Variants in CHAMP1 observed in about 807,000 individuals in gnomAD.
The protein encoded by CHAMP1 is chromosome alignment maintaining phosphoprotein 1.
A neutral mutation model predicts 54.5 loss-of-function variants in CHAMP1; 4 were observed. The ratio of observed to expected loss-of-function variants is 0.07; its 90% CI spans 0.04 to 0.17. The LOEUF (loss-of-function observed/expected upper bound fraction) is 0.17. Among genes scored for constraint, CHAMP1 ranks in the 10% least tolerant of loss-of-function variants. CHAMP1 has a pLI of 1.00. For missense variants in CHAMP1, 994 were observed against 968.6 expected (o/e 1.03, Z -0.35); for synonymous variants, 368 against 342.2 (o/e 1.08, Z -0.83).
intron 1 of CHAMP1, among the ~76,000 whole-genome samples, chr13:114,318,038 C>T (rs183137956): frequency 1.3e-5 from 2 of 152,288 alleles, no homozygotes; most frequent in East Asian, 1.9e-4. Flanking sequence ...GCTGGAAGGA[C>T]GCCCAGCTCT....
At chr13:114,320,966 A>AG (rs545219214) in intron 1 of CHAMP1, 144 bp from the exon 2 acceptor site, 2 of 152,332 alleles carry the variant, frequency 1.3e-5, no homozygotes, top group East Asian at 3.9e-4. Flanking sequence ...AAAAAAAAAA[A>AG]AAGTAAGCAG....
At position 114,324,416 on chromosome 13, in the gene CHAMP1, C is replaced by T. The variant is rs1365514860; in HGVS notation, c.574C>T (p.Pro192Ser). Reference sequence around the variant, plus strand: ...TTCTCCTGAACCTCCAAAATCAGTCCCTGTTTGTGAGTCTCAGAAACTTGC... The same window carrying T: ...TTCTCCTGAACCTCCAAAATCAGTCTCTGTTTGTGAGTCTCAGAAACTTGC... Reference protein sequence around the residue: ...VSSPEPPKSVPVCESQKLAPV... With the variant: ...VSSPEPPKSVSVCESQKLAPV... The change falls in exon 3 of 3, where the codon CCT (proline) becomes TCT (serine). Residue 192 changes from proline to serine, a missense_variant. Pro to Ser is a moderately conservative substitution (Grantham distance 74). This residue lies in a region of CHAMP1 where 851 missense variants were observed against 701.3 expected (regional missense o/e 1.21). Transcript: ENST00000361283. 1.2e-6 allele frequency: 2 copies of T among 1,614,026 alleles called. No homozygotes were observed. The highest frequency in any genetic ancestry group is 2.7e-5 in the African/African-American group (2 of 74,910).
chr13:114,322,339 T>C (rs1555379201), intron 2 of CHAMP1: 1 of 152,150 alleles, frequency 6.6e-6, no homozygotes, highest in Non-Finnish European at 1.5e-5. Context: ...GCCCAGCCTA[T>C]ACATTTTTTT....
Position 114,325,065 on chromosome 13 carries a change from A to T in CHAMP1, c.1223A>T (p.His408Leu), listed in dbSNP as rs782128382. Residue 408 changes from histidine to leucine, a missense_variant, in exon 3 of 3, where the codon CAT (histidine) becomes CTT (leucine). His to Leu is a moderately conservative substitution (Grantham distance 99). Transcript: ENST00000361283. Reference sequence around the variant, plus strand: ...ACAGCTCCCACGTTGTCTCCTGAACATTGGAAGGCAGTTCCCCCAGTGTCT... The same window carrying T: ...ACAGCTCCCACGTTGTCTCCTGAACTTTGGAAGGCAGTTCCCCCAGTGTCT... ...RKTAPTLSPEHWKAVPPVSPE... is the reference protein window; with the variant it reads ...RKTAPTLSPELWKAVPPVSPE... 2.5e-6 allele frequency: 4 copies of T among 1,613,892 alleles called. No individual in the cohort carries two copies. Among genetic ancestry groups the T allele is most frequent in the Admixed American group, 3.3e-5 (2 of 59,986 alleles).
Position 114,326,260 on chromosome 13 carries a change from A to G in CHAMP1, c.2418A>G (p.Pro806=). The change falls in exon 3 of 3, where the codon CCA becomes CCG. Residue 806 remains proline (P), a synonymous_variant. Transcript: ENST00000361283. The part of the protein sequence containing the change: ...NKKLMEALEP[P]LEEQQI ...AGCTAATGGAAGCTCTTGAACCGCCACTGGAGGAGCAGCAAATTTGATAAC... is the reference window on the plus strand; with the variant it reads ...AGCTAATGGAAGCTCTTGAACCGCCGCTGGAGGAGCAGCAAATTTGATAAC... 6.4e-7 allele frequency: 1 copy of G among 1,573,318 alleles called. No individual in the cohort carries two copies. Among genetic ancestry groups the G allele is most frequent in the African/African-American group, 1.4e-5 (1 of 72,816 alleles).
Position 114,325,836 on chromosome 13 carries a change from T to G in CHAMP1, c.1994T>G (p.Phe665Cys). Residue 665 changes from phenylalanine to cysteine, a missense_variant, in exon 3 of 3, where the codon TTT becomes TGT. Physicochemically the swap from Phe to Cys is radical, Grantham distance 205. Around this residue, in one of 3 missense-constraint regions of CHAMP1, gnomAD observed 851 missense variants for 701.3 expected, o/e 1.21. Transcript: ENST00000361283. ...CAGGTTGATGTGGAATCCATTGATT[T>G]TAGCAAAGAGAACAAAATGGACATG... ...QEQVDVESID[F>C]SKENKMDMTS... The G allele has an allele frequency of 3.7e-6, 6 of 1,614,144 alleles. No individual in the cohort carries two copies. The highest frequency in any genetic ancestry group is 5.1e-6 in the Non-Finnish European group (6 of 1,180,010).
At chr13:114,318,748 T>C (rs1037191730) in intron 1 of CHAMP1, among the ~76,000 whole-genome samples, 2 of 151,952 alleles carry the variant, frequency 1.3e-5, no homozygotes, top group African/African-American at 4.8e-5. Context: ...TGATTGTCAC[T>C]TCTAGGATAG....
Position 114,325,359 on chromosome 13 carries a change from A to C in CHAMP1, c.1517A>C (p.Glu506Ala). The C allele has an allele frequency of 6.2e-7, 1 of 1,614,012 alleles. No individual in the cohort carries two copies. Among genetic ancestry groups the C allele is most frequent in the Non-Finnish European group, 8.5e-7 (1 of 1,180,006 alleles). Reference sequence around the variant, plus strand: ...AAACCAGGTCCTTCTGGGCCATCTGAGTCCCCCAAAGCAGCCTCAGATATC... The same window carrying C: ...AAACCAGGTCCTTCTGGGCCATCTGCGTCCCCCAAAGCAGCCTCAGATATC... ...TRKPGPSGPS[E>A]SPKAASDIWK... The change falls in exon 3 of 3, where the codon GAG (glutamate) becomes GCG (alanine). Residue 506 changes from glutamate (E) to alanine (A), a missense_variant. Around this residue, in one of 3 missense-constraint regions of CHAMP1, gnomAD observed 851 missense variants for 701.3 expected, o/e 1.21. Transcript: ENST00000361283.
rs1183978342 is a variant in CHAMP1, at chr13:114,324,244, A to G, written c.402A>G (p.Thr134=). 6 of 1,614,056 alleles carry G rather than the reference A, an allele frequency of 3.7e-6. No individual in the cohort carries two copies. Among genetic ancestry groups the G allele is most frequent in the Non-Finnish European group, 5.1e-6 (6 of 1,180,042 alleles). The change falls in exon 3 of 3, where the codon ACA becomes ACG. Residue 134 remains threonine, a synonymous_variant. Transcript: ENST00000361283. ...CCATACCTGCCCTTTCAATGGAAAC[A>G]CAGAAACTTGGTTCAGTTTTGTCTC... The part of the protein sequence containing the change: ...PKSIPALSME[T]QKLGSVLSPE...
At chr13:114,322,437 A>G (rs1346107392) in intron 2 of CHAMP1, 1 of 152,232 alleles carries the variant, frequency 6.6e-6, no homozygotes, top group African/African-American at 2.4e-5. Context: ...CATTACCGTC[A>G]ATAAGGGAAG....
At chr13:114,319,614 T>G (rs1023468621) in intron 1 of CHAMP1, among the ~76,000 whole-genome samples, 3 of 152,198 alleles carry the variant, frequency 2.0e-5, no homozygotes, top group Non-Finnish European at 4.4e-5. Context: ...AAAGAGCGTT[T>G]ACAGAATGTG....
In CHAMP1 at chr13:114,324,453, C is replaced by T. The variant is rs2087213461; in HGVS notation, c.611C>T (p.Ser204Phe). 2 of 1,614,196 alleles carry T rather than the reference C, an allele frequency of 1.2e-6. No homozygotes were observed. The highest frequency in any genetic ancestry group is 1.3e-5 in the African/African-American group (1 of 75,048). Residue 204 changes from serine (S) to phenylalanine (F), a missense_variant, in exon 3 of 3, where the codon TCT becomes TTT. Physicochemically the swap from Ser to Phe is radical, Grantham distance 155 (BLOSUM62 -2). Around this residue, in one of 3 missense-constraint regions of CHAMP1, gnomAD observed 851 missense variants for 701.3 expected, o/e 1.21. Coordinates refer to ENST00000361283, the MANE Select transcript of CHAMP1 (RefSeq NM_032436.4). ...CESQKLAPVP[S>F]PEPQKPAPVS... ...TCTCAGAAACTTGCCCCTGTTCCTT[C>T]TCCAGAACCACAGAAACCTGCCCCT...
In CHAMP1 at chr13:114,325,602, T is replaced by C. The variant is rs2087238726; in HGVS notation, c.1760T>C (p.Ile587Thr). 1.2e-6 allele frequency: 2 copies of C among 1,614,184 alleles called. No homozygotes were observed. Among genetic ancestry groups the C allele is most frequent in the Non-Finnish European group, 8.5e-7 (1 of 1,180,040 alleles). The change falls in exon 3 of 3, where the codon ATA (isoleucine) becomes ACA (threonine). Residue 587 changes from isoleucine (I) to threonine (T), a missense_variant. Transcript: ENST00000361283. ...GGTGATGAACTACAAATAGATGCCATAGATGATCAAAAATGTGATATTTTG... is the reference window on the plus strand; with the variant it reads ...GGTGATGAACTACAAATAGATGCCACAGATGATCAAAAATGTGATATTTTG... ...ELGDELQIDA[I>T]DDQKCDILVQ...
intron 2 of CHAMP1, chr13:114,322,036 A>ATTTTTTT (rs35744396): frequency 3.2e-5 from 4 of 126,694 alleles, no homozygotes; most frequent in Admixed American, 8.3e-5. Context: ...AGAAATGTTA[A>ATTTTTTT]TTTTTTTTTT....
chr13:114,326,288 A>G lies in CHAMP1; in HGVS notation c.*7A>G, dbSNP rs782504028. ...GGAGGAGCAGCAAATTTGATAACAC[A>G]GTGTGAATATTTGTTCTACAAAGGT... On this transcript the variant is annotated 3_prime_UTR_variant, in exon 3 of 3. Transcript: ENST00000361283. 2.0e-5 allele frequency: 31 copies of G among 1,555,628 alleles called. No homozygotes were observed. The Admixed American group carries it at 5.6e-4, about 28-fold the overall frequency.
chr13:114,319,680 G>T (rs1423551118), intron 1 of CHAMP1, among the ~76,000 whole-genome samples: 1 of 152,250 alleles, frequency 6.6e-6, no homozygotes, highest in Non-Finnish European at 1.5e-5. Flanking sequence ...AAGGCTGACT[G>T]TAGGACCTGA....
At chr13:114,321,514 A>G (rs1026283794) in intron 2 of CHAMP1, among the ~76,000 whole-genome samples, 1 of 152,178 alleles carries the variant, frequency 6.6e-6, no homozygotes, top group Non-Finnish European at 1.5e-5. Context: ...TCAGACTCAA[A>G]CCCAGCACAC....
chr13:114,316,451 G>C lies in CHAMP1; in HGVS notation c.-179+1808G>C, dbSNP rs149826393. Among the ~76,000 whole-genome samples, 138 of 151,698 alleles carry C rather than the reference G, an allele frequency of 9.1e-4. 1 individual carries two copies. In the East Asian group the frequency reaches 0.025, roughly 28 times the overall value. ...GTGCTGGGATTACAGGCGTGAGCCT[G>C]TGGTGGCGCGCGCCTGTAGTCCCAG... On this transcript the variant is annotated intron_variant, in intron 1 of 2. Transcript: ENST00000361283.
At position 114,325,744 on chromosome 13, in the gene CHAMP1, T is replaced by G. The variant is rs781930727; in HGVS notation, c.1902T>G (p.Ser634Arg). The change falls in exon 3 of 3, where the codon AGT (serine) becomes AGG (arginine). Residue 634 changes from serine (S) to arginine (R), a missense_variant. By Grantham distance (110) the Ser-to-Arg change is moderately radical. This residue lies in a region of CHAMP1 where 851 missense variants were observed against 701.3 expected (regional missense o/e 1.21). Transcript: ENST00000361283. ...GCTCAGACGCTGAGCTTAGTAGTAG[T>G]GAGTACATAAAAACAGATTTGGATG... is the stretch of plus-strand genomic sequence containing the variant. The part of the protein sequence containing the change: ...QESSDAELSS[S>R]EYIKTDLDAM... 11 of 1,613,928 alleles carry G rather than the reference T, an allele frequency of 6.8e-6. No individual in the cohort carries two copies. The highest frequency in any genetic ancestry group is 9.3e-6 in the Non-Finnish European group (11 of 1,180,024).
Sources: allele counts gnomAD v4.1 joint callset (sites outside exome capture counted in the v4.1 genomes callset), GRCh38; gene constraint gnomAD v4.1.1; regional missense constraint gnomAD v4.1.1; transcripts MANE v1.5; gene names NCBI Gene and HGNC (gene_info 2026-07-23, HGNC 2026-07-21).